ANO6: variants seen among roughly 807,000 people sequenced by gnomAD.
ANO6 encodes anoctamin-6.
ANO6 carries 106 observed loss-of-function variants against 117.5 expected under a neutral mutation model. That is an observed-to-expected ratio of 0.90 (90% CI 0.77 to 1.06). ANO6 has a LOEUF of 1.06. Among genes scored for constraint, ANO6 ranks in the 50% least tolerant of loss-of-function variants. The probability of loss-of-function intolerance (pLI) is 0.00; values close to 1 mark genes in which losing one functional copy is unlikely to be tolerated. For missense variants in ANO6, 955 were observed against 1,121.1 expected, an observed-to-expected ratio of 0.85 and a Z score of 2.12; for synonymous variants, 367 against 385.1, an observed-to-expected ratio of 0.95 and a Z score of 0.55.
At chr12:45,315,891 T>C (rs1940007635) in intron 2 of ANO6, among the ~76,000 whole-genome samples, 1 of 152,098 alleles carries the variant, frequency 6.6e-6, no homozygotes, top group Admixed American at 6.6e-5. Context: ...ATTCTAGGTA[T>C]AAATTATAGC....
rs143035118 is a variant in ANO6 at position 45,217,579 on chromosome 12, A to G, written c.70+1188A>G. 4.6e-5 allele frequency among the ~76,000 whole-genome samples: 7 copies of G among 152,366 alleles called. No homozygotes were observed. The East Asian group carries it at 1.2e-3, about 25-fold the overall frequency. On this transcript the variant is annotated intron_variant, in intron 1 of 19. Transcript: ENST00000320560. ...TTTAAGAACAATTTACTAGTTATTC[A>G]TCTTTAAGGAGAGAGCAAATAGTAG...
chr12:45,415,738 C>A (rs1943197019), intron 16 of ANO6, among the ~76,000 whole-genome samples: 1 of 152,198 alleles, frequency 6.6e-6, no homozygotes, highest in South Asian at 2.1e-4. Context: ...GAAGCAAATG[C>A]CAGCTCTGCT....
intron 3 of ANO6, among the ~76,000 whole-genome samples, chr12:45,331,641 A>C (rs546662602): frequency 6.6e-6 from 1 of 152,112 alleles, no homozygotes; most frequent in African/African-American, 2.4e-5. Context: ...ATTTGGTTTC[A>C]CAGCTGAAAG....
chr12:45,381,841 A>G (rs751080370), intron 10 of ANO6, among the ~76,000 whole-genome samples: 2 of 152,086 alleles, frequency 1.3e-5, no homozygotes, highest in Non-Finnish European at 2.9e-5. Context: ...AGCACCGACT[A>G]GAGTTGCTTA....
intron 1 of ANO6, among the ~76,000 whole-genome samples, chr12:45,266,495 T>A (rs548898709): frequency 5.3e-5 from 8 of 152,294 alleles, no homozygotes; most frequent in African/African-American, 1.2e-4. Context: ...AGTCTTTTTT[T>A]AAAAAATTGA....
intron 1 of ANO6, among the ~76,000 whole-genome samples, chr12:45,288,038 C>T (rs1212480583): frequency 6.6e-6 from 1 of 152,184 alleles, no homozygotes; most frequent in African/African-American, 2.4e-5. Flanking sequence ...CGAGAGTCCC[C>T]TCCACCCGTC....
rs1236159938 is a variant in ANO6 at position 45,228,215 on chromosome 12, T to C, written c.70+11824T>C. 4.4e-6 allele frequency: 2 copies of C among 449,504 alleles called. 1 individual carries two copies. The highest frequency in any genetic ancestry group is 3.1e-5 in the South Asian group (2 of 64,024). The allele number at this position is 449,504 out of a possible 1,614,324, so 27.8% of individuals were successfully genotyped here. On this transcript the variant is annotated intron_variant, in intron 1 of 19. Transcript: ENST00000320560. The stretch of plus-strand genomic sequence containing the variant: ...AGCGCAATCATGGCTCACTGTAGCA[T>C]TGACTCCCAGACTCAATTGATCCTC...
rs549245983 is a variant in ANO6, at chr12:45,309,184, C to A, written c.150+7091C>A. On this transcript the variant is annotated intron_variant, in intron 2 of 19. Transcript: ENST00000320560. ...AGGTGATTGGCAGTAAGAAGTGAGGCTACTGAGAGGCCAGAATGCATTGGT... is the reference window on the plus strand; with the variant it reads ...AGGTGATTGGCAGTAAGAAGTGAGGATACTGAGAGGCCAGAATGCATTGGT... Among the ~76,000 whole-genome samples the A allele has an allele frequency of 4.1e-4, 63 of 152,124 alleles. 1 individual carries two copies. The highest frequency in any genetic ancestry group is 1.4e-3 in the African/African-American group (60 of 41,498).
chr12:45,319,892 A>G (rs1395613992), intron 2 of ANO6, among the ~76,000 whole-genome samples: 1 of 152,170 alleles, frequency 6.6e-6, no homozygotes, highest in East Asian at 1.9e-4. Flanking sequence ...TAGATTTTCT[A>G]GTTTATTGGC....
chr12:45,368,679 C>T (rs973299280), intron 9 of ANO6, among the ~76,000 whole-genome samples: 2 of 152,182 alleles, frequency 1.3e-5, no homozygotes, highest in African/African-American at 4.8e-5. Context: ...TCCTGACCTA[C>T]GCTTCCCTCC....
rs1565716079 is a variant in ANO6, at chr12:45,357,432, CTG to C, written c.998+10_998+11del. 1 of 1,613,164 alleles carries C rather than the reference CTG, an allele frequency of 6.2e-7. No homozygotes were observed. The highest frequency in any genetic ancestry group is 8.5e-7 in the Non-Finnish European group (1 of 1,179,978). On this transcript the variant is annotated intron_variant, in intron 8 of 19. Transcript: ENST00000320560. ...AGATAACTGTACATGGAGGTAACCTCTGTTTATTCCTTGTTGCCATGCTGAAA... is the reference window on the plus strand; with the variant it reads ...AGATAACTGTACATGGAGGTAACCTCTTTATTCCTTGTTGCCATGCTGAAA...
At chr12:45,382,958 A>G (rs1481126378) in intron 10 of ANO6, among the ~76,000 whole-genome samples, 1 of 152,090 alleles carries the variant, frequency 6.6e-6, no homozygotes, top group Non-Finnish European at 1.5e-5. Flanking sequence ...ACAACAATGA[A>G]GTTTGCCACA....
chr12:45,375,762 A>C (rs530429098), intron 9 of ANO6, among the ~76,000 whole-genome samples: 4,601 of 150,536 alleles, frequency 0.031, 164 homozygotes, highest in African/African-American at 0.1. Flanking sequence ...CTAGAAGAAA[A>C]CCTAGGCAAT....
intron 1 of ANO6, among the ~76,000 whole-genome samples, chr12:45,235,050 A>T (rs546584866): frequency 1.4e-5 from 2 of 147,908 alleles, no homozygotes; most frequent in Non-Finnish European, 3.0e-5. Context: ...TCAAACTCCT[A>T]TCTCAGAAAC....
rs534150435 is a variant in ANO6 at position 45,383,431 on chromosome 12, A to G, written c.1166-4730A>G. ...CTCCCATGAATTATAAATGTCCTTA[A>G]TGACATCTAGAATGGTGAATCTTTT... On this transcript the variant is annotated intron_variant, in intron 10 of 19. Coordinates refer to ENST00000320560, the MANE Select transcript of ANO6 (RefSeq NM_001025356.3). 429 of 152,524 alleles carry G rather than the reference A, an allele frequency of 2.8e-3. 2 individuals are homozygous for G. The highest frequency in any genetic ancestry group is 4.9e-3 in the Non-Finnish European group (332 of 68,200). The allele number at this position is 152,524 out of a possible 1,614,324, so 9.4% of individuals were successfully genotyped here. A position where few individuals can be genotyped will look rare whatever the true frequency, so the allele number is the denominator to read the frequency against.
intron 15 of ANO6, among the ~76,000 whole-genome samples, chr12:45,406,949 G>A (rs1322758824): frequency 6.6e-6 from 1 of 152,172 alleles, no homozygotes; most frequent in Non-Finnish European, 1.5e-5. Flanking sequence ...TTATGATGTG[G>A]CTATGACAAT....
chr12:45,409,496 T>C lies in ANO6; in HGVS notation c.2011+9T>C. 1 of 1,612,540 alleles carries C rather than the reference T, an allele frequency of 6.2e-7. No homozygotes were observed. Among genetic ancestry groups the C allele is most frequent in the Non-Finnish European group, 8.5e-7 (1 of 1,179,532 alleles). ...TGAATATCTTGAAATGAGTAAGTTG[T>C]TAGTGAAGTTTTTAGTGATATAAAA... On this transcript the variant is annotated intron_variant, in intron 16 of 19. Transcript: ENST00000320560.
intron 8 of ANO6, among the ~76,000 whole-genome samples, chr12:45,359,768 G>A (rs1028590405): frequency 1.3e-5 from 2 of 152,162 alleles, no homozygotes. Context: ...AAGTTTTTGT[G>A]CAGACACATG....
At chr12:45,316,553 G>T (rs1376235464) in intron 2 of ANO6, among the ~76,000 whole-genome samples, 1 of 152,148 alleles carries the variant, frequency 6.6e-6, no homozygotes, top group African/African-American at 2.4e-5. Flanking sequence ...AGATGGAATG[G>T]AGTCTTGAAT....
Sources: allele counts gnomAD v4.1 joint callset (sites outside exome capture counted in the v4.1 genomes callset), GRCh38; gene constraint gnomAD v4.1.1; transcripts MANE v1.5; gene names NCBI Gene and HGNC (gene_info 2026-07-23, HGNC 2026-07-21).